Variants in CPA6 observed in about 807,000 individuals in gnomAD.
CPA6 encodes carboxypeptidase B.
In CPA6, 58 loss-of-function variants were observed where a neutral mutation model predicts 63.3. That is an observed-to-expected ratio of 0.92 (90% CI 0.74 to 1.14). CPA6 has a LOEUF of 1.14. Among genes scored for constraint, CPA6 ranks in the 50% most tolerant of loss-of-function variants. The pLI is 0.00. For missense variants in CPA6, 565 were observed against 526.6 expected (o/e 1.07, Z -0.71); for synonymous variants, 185 against 179.0 (o/e 1.03, Z -0.27).
intron 6 of CPA6, among the ~76,000 whole-genome samples, chr8:67,499,843 T>C (rs915746663): frequency 6.6e-6 from 1 of 152,258 alleles, no homozygotes; most frequent in Admixed American, 6.5e-5. Flanking sequence ...CTTTTAATTG[T>C]TGAATAGTTT....
At chr8:67,471,518 T>C (rs574950192) in intron 8 of CPA6, among the ~76,000 whole-genome samples, 4 of 152,228 alleles carry the variant, frequency 2.6e-5, no homozygotes, top group African/African-American at 9.6e-5. Context: ...TGTTGTTTTT[T>C]TTTGTTTGTT....
chr8:67,728,994 G>A (rs1476935139), intron 1 of CPA6, among the ~76,000 whole-genome samples: 1 of 152,196 alleles, frequency 6.6e-6, no homozygotes, highest in Non-Finnish European at 1.5e-5. Flanking sequence ...CCAGAAAGAT[G>A]AAGTGACTTC....
intron 1 of CPA6, among the ~76,000 whole-genome samples, chr8:67,721,031 T>C (rs1300894712): frequency 6.6e-6 from 1 of 152,232 alleles, no homozygotes; most frequent in Non-Finnish European, 1.5e-5. Context: ...CATTTACTTA[T>C]ACTCTCCATT....
chr8:67,448,695 AAAAG>A (rs896969838), intron 8 of CPA6, among the ~76,000 whole-genome samples: 7 of 150,422 alleles, frequency 4.7e-5, no homozygotes, highest in East Asian at 1.9e-4. Flanking sequence ...AAAAAGAAAA[AAAAG>A]AAAGAAAGAA....
chr8:67,464,010 T>C (rs535918861), intron 8 of CPA6, among the ~76,000 whole-genome samples: 26 of 152,238 alleles, frequency 1.7e-4, no homozygotes, highest in Admixed American at 1.5e-3. Flanking sequence ...GTAAAACCAT[T>C]TGTTTTCTTT....
rs541501720 is a variant in CPA6 at position 67,518,469 on chromosome 8, T to C, written c.193-422A>G. On this transcript the variant is annotated intron_variant, in intron 2 of 10. Transcript: ENST00000297770. The stretch of plus-strand genomic sequence containing the variant: ...TATTTGGTAATTTCAAATGGAACAT[T>C]CTCTCATTCTTGGTCTTTTTTTTCT... 7.3e-4 allele frequency among the ~76,000 whole-genome samples: 111 copies of C among 151,686 alleles called. 2 individuals are homozygous for C. Among genetic ancestry groups the C allele is most frequent in the Admixed American group, 9.8e-4 (15 of 15,244 alleles).
intron 1 of CPA6, among the ~76,000 whole-genome samples, chr8:67,640,405 T>C (rs1815564028): frequency 6.6e-6 from 1 of 151,448 alleles, no homozygotes; most frequent in South Asian, 2.1e-4. Flanking sequence ...AGCTGGCGTG[T>C]TAGCGCTGCC....
chr8:67,485,763 T>C (rs1811464628), intron 6 of CPA6, among the ~76,000 whole-genome samples: 1 of 152,230 alleles, frequency 6.6e-6, no homozygotes, highest in South Asian at 2.1e-4. Flanking sequence ...TTAATTATGC[T>C]AAATGTTGCC....
intron 1 of CPA6, among the ~76,000 whole-genome samples, chr8:67,727,938 T>C (rs930659707): frequency 6.6e-6 from 1 of 150,614 alleles, no homozygotes; most frequent in Non-Finnish European, 1.5e-5. Context: ...ATTAGCCTGG[T>C]GTGGTGGCAA....
chr8:67,480,894 T>C (rs1477479721), intron 8 of CPA6, among the ~76,000 whole-genome samples: 1 of 152,208 alleles, frequency 6.6e-6, no homozygotes, highest in East Asian at 1.9e-4. Flanking sequence ...CTATTGTGGT[T>C]TTGATGTACA....
intron 6 of CPA6, among the ~76,000 whole-genome samples, chr8:67,502,334 A>G (rs1811845224): frequency 6.6e-6 from 1 of 152,102 alleles, no homozygotes; most frequent in Non-Finnish European, 1.5e-5. Flanking sequence ...TTGGTGGCAC[A>G]CACCTGTGGT....
At chr8:67,588,320 A>G (rs1250868807) in intron 2 of CPA6, among the ~76,000 whole-genome samples, 1 of 152,234 alleles carries the variant, frequency 6.6e-6, no homozygotes, top group Non-Finnish European at 1.5e-5. Context: ...TGGAAATAGT[A>G]TGGTGGGAAA....
At position 67,621,316 on chromosome 8, in the gene CPA6, C is replaced by G. The variant is rs942860267; in HGVS notation, c.192+2860G>C. On this transcript the variant is annotated intron_variant, in intron 2 of 10. Transcript: ENST00000297770. ...GACTATATGCTGAGTTTGGTGAGTC[C>G]TTATGCAACCCATTGAATGGGGGCA... Among the ~76,000 whole-genome samples, 10 of 152,226 alleles carry G rather than the reference C, an allele frequency of 6.6e-5. No individual in the cohort carries two copies. In the South Asian group the frequency reaches 1.7e-3, roughly 25 times the overall value.
intron 1 of CPA6, among the ~76,000 whole-genome samples, chr8:67,639,455 G>C (rs535546533): frequency 2.0e-5 from 3 of 151,808 alleles, no homozygotes; most frequent in South Asian, 4.1e-4. Context: ...CACACAGACT[G>C]TGCTGGGCCA....
At chr8:67,505,461 A>G (rs528245052) in intron 6 of CPA6, among the ~76,000 whole-genome samples, 6 of 152,328 alleles carry the variant, frequency 3.9e-5, no homozygotes, top group East Asian at 3.9e-4. Flanking sequence ...ATGTTCTTCA[A>G]TAATATACAT....
chr8:67,499,256 C>G (rs12114222), intron 6 of CPA6, among the ~76,000 whole-genome samples: 4,623 of 152,168 alleles, frequency 0.03, 234 homozygotes, highest in African/African-American at 0.1. Flanking sequence ...CCAGAGCCCC[C>G]CTTGATACTT....
At chr8:67,488,406 G>A (rs951238253) in intron 6 of CPA6, among the ~76,000 whole-genome samples, 6 of 152,164 alleles carry the variant, frequency 3.9e-5, no homozygotes, top group African/African-American at 1.4e-4. Context: ...TGTTCCATTG[G>A]TCTCTATCTC....
intron 2 of CPA6, among the ~76,000 whole-genome samples, chr8:67,579,448 C>T (rs111265142): frequency 8.9e-4 from 135 of 152,300 alleles, no homozygotes; most frequent in African/African-American, 3.0e-3. Flanking sequence ...TTTATAATCA[C>T]ATATTTTAAA....
chr8:67,652,988 A>T (rs942817803), intron 1 of CPA6, among the ~76,000 whole-genome samples: 2 of 152,110 alleles, frequency 1.3e-5, no homozygotes, highest in Non-Finnish European at 2.9e-5. Context: ...ACCATTTATT[A>T]AATAAGGAAT....
Sources: allele counts gnomAD v4.1 joint callset (sites outside exome capture counted in the v4.1 genomes callset), GRCh38; gene constraint gnomAD v4.1.1; transcripts MANE v1.5; gene names NCBI Gene and HGNC (gene_info 2026-07-23, HGNC 2026-07-21).